The following SVIL variants were observed in gnomAD, a reference collection of about 807,000 sequenced individuals.
SVIL encodes supervillin.
Under a neutral mutation model 240.4 loss-of-function variants are expected in SVIL, and 101 were observed. The ratio of observed to expected loss-of-function variants is 0.42; its 90% CI spans 0.36 to 0.50. The LOEUF is 0.50. SVIL is among the 20% of genes least tolerant of loss of function. The pLI, the probability that SVIL is intolerant of heterozygous loss-of-function variation, is 0.01. For synonymous variants in SVIL, 999 were observed against 1,100.0 expected (o/e 0.91, Z 1.82); for missense variants, 2,512 against 2,818.7 (o/e 0.89, Z 2.46).
At chr10:29,601,290 A>T (rs1956801933) in intron 1 of SVIL, among the ~76,000 whole-genome samples, 1 of 152,254 alleles carries the variant, frequency 6.6e-6, no homozygotes, top group African/African-American at 2.4e-5. Flanking sequence ...CATCAGTTTT[A>T]CCCAATTCCA....
intron 1 of SVIL, among the ~76,000 whole-genome samples, chr10:29,733,954 C>T (rs1345880538): frequency 6.6e-6 from 1 of 152,230 alleles, no homozygotes; most frequent in Admixed American, 6.5e-5. Flanking sequence ...ACTTATCAGT[C>T]AGTAAGGTGG....
chr10:29,628,188 C>T (rs1483424991), intron 1 of SVIL, among the ~76,000 whole-genome samples: 2 of 152,224 alleles, frequency 1.3e-5, no homozygotes, highest in African/African-American at 4.8e-5. Flanking sequence ...ATTCAGATGT[C>T]ATTTTCACTT....
chr10:29,654,014 C>T (rs1958922108), intron 3 of SVIL, among the ~76,000 whole-genome samples: 1 of 152,072 alleles, frequency 6.6e-6, no homozygotes, highest in South Asian at 2.1e-4. Context: ...TCAGGATTGT[C>T]ATGGCTATTC....
chr10:29,481,325 T>C lies in SVIL; in HGVS notation c.5100+259A>G, dbSNP rs144151987. 1.8e-3 allele frequency among the ~76,000 whole-genome samples: 268 copies of C among 152,114 alleles called. 4 individuals carry two copies. The South Asian group carries it at 0.023, about 13-fold the overall frequency. ...ACGGGACAGGGAAGATAGGGAGATG[T>C]TGGCCAACCGGTACAAAGTGACAGA... On this transcript the variant is annotated intron_variant, in intron 28 of 37. Coordinates refer to ENST00000355867, the MANE Select transcript of SVIL (RefSeq NM_021738.3).
chr10:29,544,480 C>T (rs558018729), intron 6 of SVIL, among the ~76,000 whole-genome samples: 44 of 152,190 alleles, frequency 2.9e-4, no homozygotes, highest in Middle Eastern at 3.4e-3. Context: ...GTCTGCCAGG[C>T]CCGGTGGCTC....
chr10:29,721,450 G>A (rs114972232), intron 1 of SVIL, among the ~76,000 whole-genome samples: 1,517 of 151,014 alleles, frequency 0.01, 26 homozygotes, highest in African/African-American at 0.033. Context: ...AGATACAACT[G>A]TATACTGCCT....
At chr10:29,660,677 C>T (rs1172169474) in intron 2 of SVIL, among the ~76,000 whole-genome samples, 1 of 152,156 alleles carries the variant, frequency 6.6e-6, no homozygotes, top group African/African-American at 2.4e-5. Flanking sequence ...TCATCCCTCC[C>T]TCTTCTTAAA....
intron 6 of SVIL, among the ~76,000 whole-genome samples, chr10:29,539,628 C>T (rs187033847): frequency 6.6e-6 from 1 of 152,236 alleles, no homozygotes; most frequent in East Asian, 1.9e-4. Flanking sequence ...AATGCAGCCA[C>T]TTCTGAGTTG....
intron 1 of SVIL, among the ~76,000 whole-genome samples, chr10:29,584,313 G>A (rs574373458): frequency 9.9e-5 from 15 of 152,160 alleles, no homozygotes; most frequent in East Asian, 1.9e-4. Context: ...GTATGGCAGC[G>A]GCACCTGCAT....
At chr10:29,488,959 A>T (rs1013719480) in intron 22 of SVIL, among the ~76,000 whole-genome samples, 1 of 152,246 alleles carries the variant, frequency 6.6e-6, no homozygotes, top group Non-Finnish European at 1.5e-5. Flanking sequence ...TGAAAATATA[A>T]ACTGCTTGTT....
rs1351624100 is a variant in SVIL, at chr10:29,478,800, C to T, written c.5377+1737G>A. Among the ~76,000 whole-genome samples, 3 of 151,600 alleles carry T rather than the reference C, an allele frequency of 2.0e-5. No individual in the cohort carries two copies. The East Asian group carries it at 5.8e-4, about 29-fold the overall frequency. On this transcript the variant is annotated intron_variant, in intron 29 of 37. Coordinates refer to ENST00000355867, the MANE Select transcript of SVIL (RefSeq NM_021738.3). ...TTAGCTTGATAATGGTGGCATATGC[C>T]TGTAGTCCCAGCTACTTGGGAGGCT...
rs774460868 is a variant in SVIL, at chr10:29,550,948, G to A, written c.476C>T (p.Ser159Leu). Residue 159 changes from serine (S) to leucine (L), a missense_variant, in exon 6 of 38, where the codon TCA (serine) becomes TTA (leucine). Coordinates refer to ENST00000355867, the MANE Select transcript of SVIL (RefSeq NM_021738.3). The part of the protein sequence containing the change: ...RGGKSDKQEE[S>L]SRDASSLYPG... ...GTACAGAGAACTAGCATCTCTGCTTGACTCTTCCTGTTTGTCACTTTTTCC... is the reference window on the plus strand; with the variant it reads ...GTACAGAGAACTAGCATCTCTGCTTAACTCTTCCTGTTTGTCACTTTTTCC... 2 of 1,614,120 alleles carry A rather than the reference G, an allele frequency of 1.2e-6. No individual in the cohort carries two copies. The highest frequency in any genetic ancestry group is 2.2e-5 in the South Asian group (2 of 91,064).
intron 3 of SVIL, chr10:29,647,065 C>T (rs1036944697): frequency 6.6e-6 from 1 of 152,194 alleles, no homozygotes; most frequent in African/African-American, 2.4e-5. Flanking sequence ...AACCCCAATC[C>T]TCTGCAGGGG....
chr10:29,488,850 TTGTCTTTTC>T (rs1355593161), intron 22 of SVIL, 94 bp from the exon 23 acceptor site: 1 of 1,387,202 alleles, frequency 7.2e-7, no homozygotes, highest in African/African-American at 1.5e-5. Flanking sequence ...CTCAACACCT[TTGTCTTTTC>T]AAGTTAATCC....
rs1387204639 is a variant in SVIL, at chr10:29,550,841, C to T, written c.583G>A (p.Asp195Asn). Residue 195 changes from aspartate (D) to asparagine (N), a missense_variant, in exon 6 of 38, where the codon GAC (aspartate) becomes AAC (asparagine). Asp to Asn is a conservative substitution (Grantham distance 23). Transcript: ENST00000355867. The part of the protein sequence containing the change: ...YALHVGDGSS[D>N]PEVLLNIENQ... ...TCTATGTTCAGCAGCACCTCCGGGT[C>T]GGAAGAGCCGTCACCCACATGGAGG... The T allele has an allele frequency of 7.4e-6, 12 of 1,614,058 alleles. No individual in the cohort carries two copies. In the East Asian group the frequency reaches 1.8e-4, roughly 24 times the overall value.
intron 1 of SVIL, among the ~76,000 whole-genome samples, chr10:29,697,181 C>T (rs182364460): frequency 0.032 from 1,801 of 55,614 alleles, 53 homozygotes; most frequent in East Asian, 0.13. Flanking sequence ...CCGCCCCGTC[C>T]GGGAGGGAGA....
rs570006835 is a variant in SVIL at position 29,711,323 on chromosome 10, C to G, written c.-400+24428G>C. On this transcript the variant is annotated intron_variant, in intron 1 of 35. Coordinates refer to the SVIL transcript ENST00000375400. ...ACTGAGGCAGGAGAACCACTTGAAC[C>G]TGGGAGGTGGAAATTGTACTGTGGT... is the stretch of plus-strand genomic sequence containing the variant. 2.0e-5 allele frequency among the ~76,000 whole-genome samples: 3 copies of G among 152,188 alleles called. No homozygotes were observed. The South Asian group carries it at 6.2e-4, about 32-fold the overall frequency.
At chr10:29,506,750 A>AGGGAGGGGACAGAGGCCCTAGT (rs1949362289) in intron 17 of SVIL, among the ~76,000 whole-genome samples, 1 of 139,586 alleles carries the variant, frequency 7.2e-6, no homozygotes, top group Admixed American at 7.1e-5. Flanking sequence ...GAGGCCCTAG[A>AGGGAGGGGACAGAGGCCCTAGT]GGGAGGGGAC....
chr10:29,464,835 G>T (rs1161207045), intron 34 of SVIL, among the ~76,000 whole-genome samples: 1 of 137,334 alleles, frequency 7.3e-6, no homozygotes, highest in Non-Finnish European at 1.5e-5. Flanking sequence ...AAACTGAGAG[G>T]CAGCTGACCT....
Sources: gnomAD v4.1 joint callset for allele counts (sites outside exome capture counted in the v4.1 genomes callset) on GRCh38, gnomAD v4.1.1 for gene constraint, MANE v1.5 for transcripts, NCBI Gene and HGNC (gene_info 2026-07-23, HGNC 2026-07-21) for gene names.